The following EPHX1 variants were observed in gnomAD, a reference collection of about 807,000 sequenced individuals.
EPHX1 encodes the protein epoxide hydrolase 1.
A neutral mutation model predicts 43.2 loss-of-function variants in EPHX1; 40 were observed. The observed-to-expected ratio is 0.93, with a 90% CI of 0.72 to 1.21. EPHX1 has a LOEUF of 1.21. Among genes scored for constraint, EPHX1 ranks in the 50% most tolerant of loss-of-function variants. The probability of loss-of-function intolerance (pLI) is 0.00; values close to 1 mark genes in which losing one functional copy is unlikely to be tolerated. For missense variants in EPHX1, 550 were observed against 570.4 expected, an observed-to-expected ratio of 0.96 and a Z score of 0.36; for synonymous variants, 221 against 226.7, an observed-to-expected ratio of 0.98 and a Z score of 0.22.
At chr1:225,828,650 G>A (rs1170049036) in intron 1 of EPHX1, 75 bp from the exon 2 acceptor site, 3 of 1,503,436 alleles carry the variant, frequency 2.0e-6, no homozygotes, top group African/African-American at 1.4e-5. Flanking sequence ...AGAGCCTGCT[G>A]GGGATCAGAG....
At chr1:225,840,113 C>G in intron 6 of EPHX1, 76 bp downstream of exon 6, 1 of 1,403,612 alleles carries the variant, frequency 7.1e-7, no homozygotes, top group African/African-American at 1.4e-5. Context: ...AACCTCACCA[C>G]CCCACCCCAA....
Position 225,822,514 on chromosome 1 carries a change from C to T in EPHX1, c.-5-6211C>T, listed in dbSNP as rs148431887. On this transcript the variant is annotated intron_variant, in intron 1 of 8. Coordinates refer to ENST00000272167, the MANE Select transcript of EPHX1 (RefSeq NM_001136018.4). ...GATTTCAGGTGCTAGCAAAATAAAG[C>T]AGGCACTCTCATTTTGTATTGTTTT... 1.1e-3 allele frequency among the ~76,000 whole-genome samples: 165 copies of T among 152,282 alleles called. 1 individual carries two copies. The highest frequency in any genetic ancestry group is 8.3e-3 in the South Asian group (40 of 4,816).
rs1320364742 is a variant in EPHX1 at position 225,838,841 on chromosome 1, C to T, written c.552C>T (p.Ser184=). 2 of 1,614,242 alleles carry T rather than the reference C, an allele frequency of 1.2e-6. No individual in the cohort carries two copies. The highest frequency in any genetic ancestry group is 1.6e-4 in the Middle Eastern group (1 of 6,062). The change falls in exon 4 of 9, where the codon TCC becomes TCT. Residue 184 remains serine, a synonymous_variant. Transcript: ENST00000272167. ...ACGTTTTTGAAGTCATCTGCCCTTC[C>T]ATCCCTGGCTATGGCTTCTCAGAGG... ...DEHVFEVICP[S]IPGYGFSEAS... is the part of the protein sequence containing the mutation.
At chr1:225,841,120 G>A (rs565298981) in intron 6 of EPHX1, 9 of 152,212 alleles carry the variant, frequency 5.9e-5, no homozygotes, top group South Asian at 2.1e-4. Flanking sequence ...GATGCCCCTC[G>A]GGGTTCTCTC....
At chr1:225,818,742 A>T (rs1343192529) in intron 1 of EPHX1, among the ~76,000 whole-genome samples, 1 of 152,080 alleles carries the variant, frequency 6.6e-6, no homozygotes, top group Non-Finnish European at 1.5e-5. Context: ...CCCAAGGACA[A>T]TGGGAAGCTC....
intron 1 of EPHX1, among the ~76,000 whole-genome samples, chr1:225,819,655 C>T (rs1407902091): frequency 4.0e-5 from 6 of 151,896 alleles, no homozygotes; most frequent in East Asian, 3.9e-4. Context: ...AGTAGCAGGG[C>T]GGGTAATGTC....
intron 1 of EPHX1, among the ~76,000 whole-genome samples, chr1:225,816,786 C>T (rs527340954): frequency 8.7e-4 from 132 of 152,354 alleles, no homozygotes; most frequent in African/African-American, 2.9e-3. Context: ...GGCCAGGCAG[C>T]AAAGCAGGCA....
intron 3 of EPHX1, among the ~76,000 whole-genome samples, chr1:225,834,058 A>G (rs1441437355): frequency 2.1e-5 from 3 of 139,590 alleles, no homozygotes; most frequent in Admixed American, 7.7e-5. Flanking sequence ...AGATTGCGCC[A>G]CTGCACTCCA....
At chr1:225,835,380 G>A (rs1370958713) in intron 3 of EPHX1, among the ~76,000 whole-genome samples, 2 of 134,238 alleles carry the variant, frequency 1.5e-5, no homozygotes, top group Non-Finnish European at 3.2e-5. Context: ...CACCACACTA[G>A]GCTTTTTTTT....
At chr1:225,822,910 T>C (rs1301820677) in intron 1 of EPHX1, among the ~76,000 whole-genome samples, 3 of 152,134 alleles carry the variant, frequency 2.0e-5, no homozygotes, top group African/African-American at 7.2e-5. Context: ...CCTGTTTATG[T>C]GCACACGGCT....
chr1:225,833,582 T>G (rs1480133090), intron 3 of EPHX1, among the ~76,000 whole-genome samples: 1 of 150,536 alleles, frequency 6.6e-6, no homozygotes, highest in African/African-American at 2.4e-5. Context: ...GATCACGAGG[T>G]CAGGAGGTTG....
At chr1:225,838,569 A>G (rs1576023973) in intron 3 of EPHX1, 85 bp from the exon 4 acceptor site, 1 of 1,221,184 alleles carries the variant, frequency 8.2e-7, no homozygotes, top group Non-Finnish European at 1.2e-6. Flanking sequence ...GGCAGGACTC[A>G]ATATCTAGGC....
At chr1:225,821,437 G>A (rs1666974401) in intron 1 of EPHX1, among the ~76,000 whole-genome samples, 1 of 151,670 alleles carries the variant, frequency 6.6e-6, no homozygotes. Flanking sequence ...GTAGAGACGG[G>A]GTTTCACCAT....
At position 225,831,960 on chromosome 1, in the gene EPHX1, G is replaced by T; in HGVS notation, c.364+1G>T. On this transcript the variant is annotated splice_donor_variant, in intron 3 of 8. Coordinates refer to ENST00000272167, the MANE Select transcript of EPHX1 (RefSeq NM_001136018.4). LOFTEE classifies it high-confidence loss of function. ...CCTCACTTCAAGACTAAGATTGAAG[G>T]TATGTTTGCAAAACGCCAGCCAGAG... is the stretch of plus-strand genomic sequence containing the variant. The T allele has an allele frequency of 6.2e-7, 1 of 1,613,898 alleles. No individual in the cohort carries two copies. Among genetic ancestry groups the T allele is most frequent in the South Asian group, 1.1e-5 (1 of 91,072 alleles).
At position 225,817,721 on chromosome 1, in the gene EPHX1, ACAGT is replaced by A. The variant is rs1215466288; in HGVS notation, c.-6+7556_-6+7559del. 6.6e-6 allele frequency among the ~76,000 whole-genome samples: 1 copy of A among 152,210 alleles called. No homozygotes were observed. Among genetic ancestry groups the A allele is most frequent in the Non-Finnish European group, 1.5e-5 (1 of 68,026 alleles). ...GAGTCTCAGTCACTATTAGAGAAAC[ACAGT>A]CAGAGCCAGGCCTGCCCAACTGTCG... On this transcript the variant is annotated intron_variant, in intron 1 of 8. Transcript: ENST00000272167. This position sits in a 1 kb window ranked among gnomAD's most constrained non-coding sequence, Gnocchi z 5.7.
Position 225,827,254 on chromosome 1 carries a change from C to T in EPHX1, c.-5-1471C>T, listed in dbSNP as rs528171958. 2.1e-4 allele frequency among the ~76,000 whole-genome samples: 32 copies of T among 152,172 alleles called. No individual in the cohort carries two copies. In the South Asian group the frequency reaches 5.6e-3, roughly 27 times the overall value. Reference sequence around the variant, plus strand: ...CCTGCCTTGGGTTTCCAAGACAGAGCGAGGGGCGCTGCTGGGGCGTGGTTT... The same window carrying T: ...CCTGCCTTGGGTTTCCAAGACAGAGTGAGGGGCGCTGCTGGGGCGTGGTTT... On this transcript the variant is annotated intron_variant, in intron 1 of 8. Coordinates refer to ENST00000272167, the MANE Select transcript of EPHX1 (RefSeq NM_001136018.4).
chr1:225,813,490 C>A (rs1666579358), intron 1 of EPHX1, among the ~76,000 whole-genome samples: 2 of 152,310 alleles, frequency 1.3e-5, no homozygotes, highest in South Asian at 4.1e-4. Context: ...GAGGGAGGAG[C>A]TGGTGGGCGC....
intron 4 of EPHX1, 87 bp from the exon 5 acceptor site, chr1:225,839,130 C>G: frequency 6.2e-7 from 1 of 1,600,004 alleles, no homozygotes; most frequent in East Asian, 2.2e-5. Flanking sequence ...GGTAGGCGGG[C>G]CTGAGAAATT....
intron 3 of EPHX1, among the ~76,000 whole-genome samples, chr1:225,835,610 T>C (rs189002374): frequency 2.4e-3 from 364 of 151,946 alleles, no homozygotes; most frequent in African/African-American, 8.4e-3. Flanking sequence ...AGGATGATCT[T>C]GATCGCCTGA....
Sources: allele counts gnomAD v4.1 joint callset (sites outside exome capture counted in the v4.1 genomes callset), GRCh38; gene constraint gnomAD v4.1.1; non-coding constraint Gnocchi (gnomAD v3.1); transcripts MANE v1.5; gene names NCBI Gene and HGNC (gene_info 2026-07-23, HGNC 2026-07-21).